The following FRS2 variants were observed in gnomAD, a reference collection of about 807,000 sequenced individuals.
FRS2 encodes fibroblast growth factor receptor substrate 2.
A neutral mutation model predicts 43.9 loss-of-function variants in FRS2; 8 were observed. That is an observed-to-expected ratio of 0.18 (90% CI 0.11 to 0.33). The LOEUF (loss-of-function observed/expected upper bound fraction) is 0.33. FRS2 is among the 10% of genes least tolerant of loss of function. The probability of loss-of-function intolerance (pLI) is 1.00; values close to 1 mark genes in which losing one functional copy is unlikely to be tolerated. For synonymous variants in FRS2, 219 were observed against 220.3 expected (o/e 0.99, Z 0.05); for missense variants, 534 against 627.6 (o/e 0.85, Z 1.59).
intron 3 of FRS2, among the ~76,000 whole-genome samples, chr12:69,554,206 G>C (rs1287212401): frequency 6.6e-6 from 1 of 152,050 alleles, no homozygotes; most frequent in Non-Finnish European, 1.5e-5. Context: ...GTATTGATTT[G>C]TATTTTCTTT....
intron 1 of FRS2, among the ~76,000 whole-genome samples, chr12:69,476,329 CTG>C (rs1280154882): frequency 2.0e-5 from 3 of 152,168 alleles, no homozygotes; most frequent in Admixed American, 6.5e-5. Context: ...TTGTTTAAGA[CTG>C]TGTTTCTCAA....
In FRS2 at chr12:69,570,537, T is replaced by C. The variant is rs12306636; in HGVS notation, c.253+20T>C. On this transcript the variant is annotated intron_variant, in intron 6 of 8. Coordinates refer to ENST00000549921, the MANE Select transcript of FRS2 (RefSeq NM_001278356.2). The stretch of plus-strand genomic sequence containing the variant: ...GACAAGGTAGAACCTTTGTTTTTTT[T>C]CCCAAATATTGTATTTGAAATTGTT... The C allele has an allele frequency of 4.8e-3, 6,918 of 1,450,674 alleles. 236 individuals are homozygous for C. In the African/African-American group the frequency reaches 0.079, roughly 17 times the overall value. The allele number at this position is 1,450,674 out of a possible 1,614,324, so 89.9% of individuals were successfully genotyped here.
chr12:69,531,050 C>G (rs1876739235), intron 2 of FRS2, 90 bp downstream of exon 2: 1 of 150,206 alleles, frequency 6.7e-6, no homozygotes, highest in Non-Finnish European at 1.5e-5. Flanking sequence ...GGTAGACAGG[C>G]TGGGCATGGT....
intron 1 of FRS2, among the ~76,000 whole-genome samples, chr12:69,485,082 A>AAAAC (rs1477709857): frequency 3.5e-5 from 3 of 85,304 alleles, no homozygotes; most frequent in Non-Finnish European, 6.3e-5. Context: ...CTCATCTTAA[A>AAAAC]ACACACACAC....
intron 1 of FRS2, among the ~76,000 whole-genome samples, chr12:69,512,081 G>A (rs1368585578): frequency 2.0e-5 from 3 of 152,102 alleles, no homozygotes; most frequent in Admixed American, 2.0e-4. Context: ...TTTGAAGGAC[G>A]AGAAATAGCA....
intron 5 of FRS2, 150 bp from the exon 6 acceptor site, chr12:69,570,181 G>C: frequency 1.6e-6 from 1 of 626,826 alleles, no homozygotes; most frequent in Non-Finnish European, 2.9e-6. Context: ...TTACAGATCT[G>C]AACTGGGTGT....
chr12:69,525,740 C>T (rs1191744631), intron 1 of FRS2, among the ~76,000 whole-genome samples: 1 of 151,584 alleles, frequency 6.6e-6, no homozygotes, highest in East Asian at 1.9e-4. Context: ...TAAACTCAAC[C>T]AAGTGGTATG....
intron 1 of FRS2, among the ~76,000 whole-genome samples, chr12:69,520,044 C>T (rs1185078096): frequency 6.6e-6 from 1 of 152,146 alleles, no homozygotes; most frequent in Admixed American, 6.5e-5. Context: ...TAAGCATTCC[C>T]TTTTCTCTGT....
intron 1 of FRS2, among the ~76,000 whole-genome samples, chr12:69,476,348 C>T (rs1189779121): frequency 1.3e-5 from 2 of 152,100 alleles, no homozygotes; most frequent in Non-Finnish European, 2.9e-5. Context: ...TCAACCAGAG[C>T]CTCTGGAGAA....
intron 1 of FRS2, among the ~76,000 whole-genome samples, chr12:69,477,204 A>G (rs935286183): frequency 6.7e-6 from 1 of 149,988 alleles, no homozygotes; most frequent in Non-Finnish European, 1.5e-5. Context: ...GTAGGGTTTT[A>G]TATTTTAAAA....
intron 3 of FRS2, among the ~76,000 whole-genome samples, chr12:69,544,706 G>GA (rs1188491193): frequency 3.3e-5 from 5 of 151,124 alleles, no homozygotes; most frequent in South Asian, 2.1e-4. Context: ...CTCCATCTCG[G>GA]AAAAAAAATT....
At chr12:69,568,627 A>T (rs951504886) in intron 4 of FRS2, among the ~76,000 whole-genome samples, 2 of 152,074 alleles carry the variant, frequency 1.3e-5, no homozygotes, top group East Asian at 3.9e-4. Flanking sequence ...AAAGAAGGAC[A>T]TGAAATTCCT....
At chr12:69,474,541 A>C (rs539840995) in intron 1 of FRS2, among the ~76,000 whole-genome samples, 1 of 152,322 alleles carries the variant, frequency 6.6e-6, no homozygotes, top group East Asian at 1.9e-4. Context: ...GCTTCTTCAC[A>C]CTGTAGGTTC....
At chr12:69,519,401 C>G (rs1875397862) in intron 1 of FRS2, among the ~76,000 whole-genome samples, 1 of 152,192 alleles carries the variant, frequency 6.6e-6, no homozygotes, top group African/African-American at 2.4e-5. Flanking sequence ...AGAAAACTCA[C>G]TCTGGAAGTT....
At position 69,508,244 on chromosome 12, in the gene FRS2, A is replaced by G. The variant is rs538390741; in HGVS notation, c.-260-22621A>G. Among the ~76,000 whole-genome samples, 38 of 152,292 alleles carry G rather than the reference A, an allele frequency of 2.5e-4. No individual in the cohort carries two copies. The South Asian group carries it at 5.2e-3, about 21-fold the overall frequency. On this transcript the variant is annotated intron_variant, in intron 1 of 8. Transcript: ENST00000549921. ...ACAAATGCTAGTCATTGAAAATGTC[A>G]AAATTTGGATTTGACCCAAGAGTTG...
chr12:69,550,175 T>C (rs1878749313), intron 3 of FRS2, among the ~76,000 whole-genome samples: 1 of 152,250 alleles, frequency 6.6e-6, no homozygotes, highest in Non-Finnish European at 1.5e-5. Context: ...GCTCAATGTA[T>C]GTACTGTCAA....
At chr12:69,566,407 T>A (rs575641572) in intron 4 of FRS2, among the ~76,000 whole-genome samples, 7 of 152,278 alleles carry the variant, frequency 4.6e-5, no homozygotes, top group Admixed American at 2.0e-4. Context: ...CAATTATCCC[T>A]TTACTTAAAA....
At chr12:69,485,074 C>T (rs1030433083) in intron 1 of FRS2, among the ~76,000 whole-genome samples, 10 of 130,860 alleles carry the variant, frequency 7.6e-5, no homozygotes, top group Non-Finnish European at 1.5e-4. Context: ...AGTAAGACCT[C>T]ATCTTAAAAC....
intron 3 of FRS2, among the ~76,000 whole-genome samples, chr12:69,534,018 A>T (rs1877049562): frequency 6.6e-6 from 1 of 152,214 alleles, no homozygotes; most frequent in Admixed American, 6.5e-5. Flanking sequence ...GCCTGTGGAA[A>T]GACTGAGAGA....
Sources: allele counts gnomAD v4.1 joint callset (sites outside exome capture counted in the v4.1 genomes callset), GRCh38; gene constraint gnomAD v4.1.1; transcripts MANE v1.5; gene names NCBI Gene and HGNC (gene_info 2026-07-23, HGNC 2026-07-21).